The following TP63 variants were observed in gnomAD, a reference collection of about 807,000 sequenced individuals.
The protein encoded by TP63 is tumor protein p63, also known as tumor protein 63.
Under a neutral mutation model 82.8 loss-of-function variants are expected in TP63, and 17 were observed. The observed-to-expected ratio is 0.21, with a 90% CI of 0.14 to 0.31. The LOEUF (loss-of-function observed/expected upper bound fraction) is 0.31, where lower values mean the gene tolerates loss of function less well. Among genes scored for constraint, TP63 ranks in the 10% least tolerant of loss-of-function variants. The probability of loss-of-function intolerance (pLI) is 1.00; values close to 1 mark genes in which losing one functional copy is unlikely to be tolerated. For missense variants in TP63, 648 were observed against 895.3 expected, an observed-to-expected ratio of 0.72 and a Z score of 3.52; for synonymous variants, 330 against 321.7, an observed-to-expected ratio of 1.03 and a Z score of -0.28.
chr3:189,869,921 A>G (rs111891979), intron 9 of TP63, among the ~76,000 whole-genome samples: 2,018 of 152,192 alleles, frequency 0.013, 20 homozygotes, highest in South Asian at 0.026. Context: ...AGGAGAGAAA[A>G]TATGTGTTTT....
At chr3:189,790,015 T>C (rs1724976060) in intron 3 of TP63, among the ~76,000 whole-genome samples, 1 of 152,022 alleles carries the variant, frequency 6.6e-6, no homozygotes, top group South Asian at 2.1e-4. Flanking sequence ...AGATTTTTTT[T>C]TTTTTATTAA....
At position 189,889,324 on chromosome 3, in the gene TP63, T is replaced by C; in HGVS notation, c.1508-16T>C. The C allele has an allele frequency of 6.2e-7, 1 of 1,614,186 alleles. No homozygotes were observed. The stretch of plus-strand genomic sequence containing the variant: ...TGATGGCAGTAACCCTTTTTGTTCC[T>C]CCTGCTTCTGTTCAGTTCCCATGAT... On this transcript the variant is annotated splice_polypyrimidine_tract_variant and intron_variant, in intron 11 of 13. Coordinates refer to ENST00000264731, the MANE Select transcript of TP63 (RefSeq NM_003722.5).
rs936075396 is a variant in TP63 at position 189,650,858 on chromosome 3, C to T, written c.62+19281C>T. On this transcript the variant is annotated intron_variant, in intron 1 of 13. Coordinates refer to ENST00000264731, the MANE Select transcript of TP63 (RefSeq NM_003722.5). ...GCTGGAACAGTTTGGAGGACTCAGA[C>T]GAAGACAGGAAAATGGGAGAAAGTT... Among the ~76,000 whole-genome samples, 5 of 146,660 alleles carry T rather than the reference C, an allele frequency of 3.4e-5. 2 individuals carry two copies. The highest frequency in any genetic ancestry group is 1.5e-5 in the Non-Finnish European group (1 of 67,226).
chr3:189,597,257 G>T, the TP63 span, among the ~76,000 whole-genome samples: 228 of 152,306 alleles, frequency 1.5e-3, 7 homozygotes, highest in Admixed American at 0.014. Flanking sequence ...TCAGTTTTCA[G>T]TTGAAACCCA....
intron 1 of TP63, among the ~76,000 whole-genome samples, chr3:189,684,202 C>T (rs901004984): frequency 3.3e-5 from 5 of 152,048 alleles, no homozygotes; most frequent in Non-Finnish European, 7.4e-5. Flanking sequence ...TATTTGGTAC[C>T]TATGGTATGT....
At chr3:189,890,644 G>A (rs1227774751) in intron 12 of TP63, 145 bp from the exon 13 acceptor site, 1 of 695,776 alleles carries the variant, frequency 1.4e-6, no homozygotes, top group Non-Finnish European at 2.6e-6. Context: ...CAGACTTAAG[G>A]CCCACATATA....
chr3:189,620,284 G>A, the TP63 span, among the ~76,000 whole-genome samples: 1 of 152,144 alleles, frequency 6.6e-6, no homozygotes, highest in East Asian at 1.9e-4. Context: ...CAGCACTTTG[G>A]GAGGCCAAGG....
At position 189,688,663 on chromosome 3, in the gene TP63, CT is replaced by C. The variant is rs1716641335; in HGVS notation, c.63-49076del. 2.0e-5 allele frequency among the ~76,000 whole-genome samples: 3 copies of C among 152,224 alleles called. No homozygotes were observed. The South Asian group carries it at 6.2e-4, about 32-fold the overall frequency. ...ATGGCCAGAAAGATTGGTAAGGGAGCTGATAAAAAACCTGATATCCACTGTG... is the reference window on the plus strand; with the variant it reads ...ATGGCCAGAAAGATTGGTAAGGGAGCGATAAAAAACCTGATATCCACTGTG... On this transcript the variant is annotated intron_variant, in intron 1 of 13. Coordinates refer to ENST00000264731, the MANE Select transcript of TP63 (RefSeq NM_003722.5).
intron 9 of TP63, 149 bp from the exon 10 acceptor site, chr3:189,872,710 G>A: frequency 8.0e-7 from 1 of 1,246,226 alleles, no homozygotes; most frequent in Non-Finnish European, 1.1e-6. Context: ...CCACAAAAGG[G>A]CCAAGAGTGT....
rs1433422421 is a variant in TP63 at position 189,895,760 on chromosome 3, C to T, written c.*1258C>T. The T allele has an allele frequency of 1.8e-5, 4 of 227,662 alleles. No homozygotes were observed. The highest frequency in any genetic ancestry group is 6.7e-5 in the African/African-American group (3 of 45,070). The allele number at this position is 227,662 out of a possible 1,614,324, so 14.1% of individuals were successfully genotyped here. Reference sequence around the variant, plus strand: ...TTCTATAAAACTCTGCATGTAGAGGCTTGTTTACCTTTCTCTCTCTAAGGT... The same window carrying T: ...TTCTATAAAACTCTGCATGTAGAGGTTTGTTTACCTTTCTCTCTCTAAGGT... On this transcript the variant is annotated 3_prime_UTR_variant, in exon 14 of 14. Coordinates refer to ENST00000264731, the MANE Select transcript of TP63 (RefSeq NM_003722.5).
intron 3 of TP63, among the ~76,000 whole-genome samples, chr3:189,807,506 A>G (rs941170361): frequency 9.9e-5 from 15 of 152,260 alleles, no homozygotes. Flanking sequence ...TTTTTGAATT[A>G]TATTGACCAT....
intron 1 of TP63, among the ~76,000 whole-genome samples, chr3:189,692,974 A>G (rs1431802884): frequency 6.6e-6 from 1 of 152,192 alleles, no homozygotes; most frequent in African/African-American, 2.4e-5. Context: ...GACGAGTATT[A>G]TGAAAATCTT....
intron 13 of TP63, among the ~76,000 whole-genome samples, chr3:189,892,950 T>C (rs1186119198): frequency 6.6e-6 from 1 of 151,964 alleles, no homozygotes; most frequent in East Asian, 1.9e-4. Context: ...AATTGAGAAA[T>C]GTTGGGAAGC....
At chr3:189,875,865 CT>C (rs1719155749) in intron 10 of TP63, among the ~76,000 whole-genome samples, 1 of 151,586 alleles carries the variant, frequency 6.6e-6, no homozygotes, top group Admixed American at 6.6e-5. Context: ...GAACAGATAT[CT>C]TTTTTGTCTG....
intron 4 of TP63, among the ~76,000 whole-genome samples, chr3:189,850,136 G>A (rs1316894259): frequency 2.0e-5 from 3 of 151,802 alleles, no homozygotes; most frequent in African/African-American, 7.3e-5. Context: ...ACAAAAATTA[G>A]CCAGAAGTGG....
Position 189,701,408 on chromosome 3 carries a change from A to G in TP63, c.63-36332A>G, listed in dbSNP as rs192011355. On this transcript the variant is annotated intron_variant, in intron 1 of 13. Transcript: ENST00000264731. The stretch of plus-strand genomic sequence containing the variant: ...GTAGTTATTTAAGGGAGGCATCTAA[A>G]CATGAACAAGAAATCAAGGCAAAGT... 1.6e-3 allele frequency among the ~76,000 whole-genome samples: 242 copies of G among 151,956 alleles called. 1 individual carries two copies. Among genetic ancestry groups the G allele is most frequent in the African/African-American group, 5.0e-3 (208 of 41,462 alleles).
rs116454882 is a variant in TP63 at position 189,709,546 on chromosome 3, G to A, written c.63-28194G>A. On this transcript the variant is annotated intron_variant, in intron 1 of 13. Coordinates refer to ENST00000264731, the MANE Select transcript of TP63 (RefSeq NM_003722.5). Reference sequence around the variant, plus strand: ...CAGCTTTATGTTATTTATTCTTAATGGAAAATGCACTGAGGAGAACTTTTT... The same window carrying A: ...CAGCTTTATGTTATTTATTCTTAATAGAAAATGCACTGAGGAGAACTTTTT... Among the ~76,000 whole-genome samples the A allele has an allele frequency of 4.7e-3, 720 of 152,074 alleles. 9 individuals are homozygous for A. Among genetic ancestry groups the A allele is most frequent in the African/African-American group, 0.017 (704 of 41,494 alleles).
At chr3:189,629,934 T>G (rs1729401764), upstream of TP63, among the ~76,000 whole-genome samples, 3 of 152,176 alleles carry the variant, frequency 2.0e-5, no homozygotes, top group South Asian at 6.2e-4. Flanking sequence ...CAATCTTCCC[T>G]TTAAGTTTTA....
At position 189,757,956 on chromosome 3, in the gene TP63, A is replaced by T. The variant is rs1010422326; in HGVS notation, c.324+19182A>T. 2.0e-5 allele frequency among the ~76,000 whole-genome samples: 3 copies of T among 152,308 alleles called. No homozygotes were observed. In the East Asian group the frequency reaches 5.8e-4, roughly 29 times the overall value. ...TGAATGGGCTCAAGCATGTGTACTA[A>T]GGGGCAAAATGGCAGAGTTTAACTA... On this transcript the variant is annotated intron_variant, in intron 3 of 13. Transcript: ENST00000264731.
Sources: gnomAD v4.1 joint callset for allele counts (sites outside exome capture counted in the v4.1 genomes callset) on GRCh38, gnomAD v4.1.1 for gene constraint, MANE v1.5 for transcripts, NCBI Gene and HGNC (gene_info 2026-07-23, HGNC 2026-07-21) for gene names.